MOB2: variants seen among roughly 807,000 people sequenced by gnomAD.
MOB2 encodes the protein MOB2 Mps One Binder homolog.
A neutral mutation model predicts 27.4 loss-of-function variants in MOB2; 14 were observed. The ratio of observed to expected loss-of-function variants is 0.51; its 90% CI spans 0.34 to 0.80. MOB2 has a LOEUF of 0.80. MOB2 is among the 30% of genes least tolerant of loss of function. The probability of loss-of-function intolerance (pLI) is 0.01; values close to 1 mark genes in which losing one functional copy is unlikely to be tolerated. For missense variants in MOB2, 304 were observed against 354.6 expected, an observed-to-expected ratio of 0.86 and a Z score of 1.15; for synonymous variants, 167 against 151.8, an observed-to-expected ratio of 1.10 and a Z score of -0.74.
intron 3 of MOB2, among the ~76,000 whole-genome samples, chr11:1,474,226 C>T (rs1450435841): frequency 1.3e-5 from 2 of 152,238 alleles, no homozygotes; most frequent in East Asian, 3.8e-4. Flanking sequence ...GGCAAACTGT[C>T]TGCTCATTTC....
At chr11:1,485,587 A>T (rs1445941468) in intron 1 of MOB2, among the ~76,000 whole-genome samples, 1 of 152,040 alleles carries the variant, frequency 6.6e-6, no homozygotes, top group African/African-American at 2.4e-5. Context: ...CGGGTGCCGC[A>T]GCCCCCGGCC....
At chr11:1,474,724 G>A (rs972438654) in intron 3 of MOB2, among the ~76,000 whole-genome samples, 2 of 152,014 alleles carry the variant, frequency 1.3e-5, no homozygotes, top group African/African-American at 2.4e-5. Context: ...CCATCCACAC[G>A]TTTGTGTGGG....
At position 1,470,463 on chromosome 11, in the gene MOB2, C is replaced by T. The variant is rs769850529; in HGVS notation, c.516G>A (p.Glu172=). ...KYGREFPSSF[E]SLVRKICRHL... is the part of the protein sequence containing the mutation. ...GTCTGCAGATCTTCCTCACCAGGGA[C>T]TCAAAGGAGCTGGGGAATTCTCTGC... is the stretch of plus-strand genomic sequence containing the variant. The change falls in exon 5 of 5, where the codon GAG becomes GAA. Residue 172 remains glutamate (E), a synonymous_variant. Coordinates refer to ENST00000329957, the MANE Select transcript of MOB2 (RefSeq NM_001172223.3). 20 of 1,612,942 alleles carry T rather than the reference C, an allele frequency of 1.2e-5. No homozygotes were observed. Among genetic ancestry groups the T allele is most frequent in the Non-Finnish European group, 1.7e-5 (20 of 1,179,378 alleles).
intron 4 of MOB2, 43 bp from the exon 5 acceptor site, chr11:1,470,531 C>A: frequency 1.3e-6 from 2 of 1,579,950 alleles, no homozygotes; most frequent in South Asian, 1.2e-5. Context: ...CATCCCTTGG[C>A]CCCAACAGAG....
chr11:1,480,686 G>A (rs1016714664), intron 2 of MOB2, 39 bp downstream of exon 2: 1 of 1,590,028 alleles, frequency 6.3e-7, no homozygotes, highest in African/African-American at 1.3e-5. Context: ...AGGAGGAGCA[G>A]GGAGGAGGGA....
rs1198706439 is a variant in MOB2 at position 1,470,025 on chromosome 11, T to C, written c.*147A>G. Reference sequence around the variant, plus strand: ...ACACGGCCGGGGCCGTCTGCGTCTGTGCCTGTGCAGCCCACACCAGTGCAG... The same window carrying C: ...ACACGGCCGGGGCCGTCTGCGTCTGCGCCTGTGCAGCCCACACCAGTGCAG... On this transcript the variant is annotated 3_prime_UTR_variant, in exon 5 of 5. Transcript: ENST00000329957. The C allele has an allele frequency of 6.5e-7, 1 of 1,532,616 alleles. No individual in the cohort carries two copies. 94.9% of individuals were successfully genotyped at this position (1,532,616 alleles called of 1,614,324 possible). A position where few individuals can be genotyped will look rare whatever the true frequency, so the allele number is the denominator to read the frequency against.
intron 3 of MOB2, among the ~76,000 whole-genome samples, chr11:1,474,590 T>A (rs1564909220): frequency 6.6e-6 from 1 of 152,280 alleles, no homozygotes; most frequent in Non-Finnish European, 1.5e-5. Context: ...TATTTTGCTC[T>A]TTGTCAAAAC....
chr11:1,482,670 G>A (rs1847927635), intron 1 of MOB2, among the ~76,000 whole-genome samples: 3 of 152,208 alleles, frequency 2.0e-5, no homozygotes, highest in Non-Finnish European at 2.9e-5. Context: ...GCCGGGCCCC[G>A]GAGCTTAGTG....
In MOB2 at chr11:1,470,230, C is replaced by G; in HGVS notation, c.749G>C (p.Ser250Thr). 1 of 1,612,498 alleles carries G rather than the reference C, an allele frequency of 6.2e-7. No individual in the cohort carries two copies. The highest frequency in any genetic ancestry group is 2.2e-5 in the East Asian group (1 of 44,886). The change falls in exon 5 of 5, where the codon AGT (serine) becomes ACT (threonine). Residue 250 changes from serine to threonine, a missense_variant. Transcript: ENST00000329957. ...SGAGGVHSGG[S>T]GDGAGSGGPG... Reference sequence around the variant, plus strand: ...GCCCCCGCTGCCGGCCCCATCCCCACTGCCCCCACTGTGGACCCCGCCGGC... The same window carrying G: ...GCCCCCGCTGCCGGCCCCATCCCCAGTGCCCCCACTGTGGACCCCGCCGGC...
rs576810420 is a variant in MOB2 at position 1,486,564 on chromosome 11, C to A, written c.-8G>T. The A allele has an allele frequency of 1.2e-5, 18 of 1,530,268 alleles. No individual in the cohort carries two copies. Among genetic ancestry groups the A allele is most frequent in the Admixed American group, 2.0e-5 (1 of 50,956 alleles). The allele number at this position is 1,530,268 out of a possible 1,614,324, so 94.8% of individuals were successfully genotyped here. A position where few individuals can be genotyped will look rare whatever the true frequency, so the allele number is the denominator to read the frequency against. ...GCAGTGGTCTCCCAGCATGAGTGGG[C>A]GACGGGAAGGTGGGGAGGAGAAGCG... On this transcript the variant is annotated 5_prime_UTR_variant, in exon 1 of 5. Transcript: ENST00000329957.
At chr11:1,475,367 C>T (rs1410516391) in intron 3 of MOB2, among the ~76,000 whole-genome samples, 1 of 152,190 alleles carries the variant, frequency 6.6e-6, no homozygotes, top group Non-Finnish European at 1.5e-5. Context: ...ACAGGGGATG[C>T]ACTGCAAGAC....
At position 1,480,403 on chromosome 11, in the gene MOB2, C is replaced by G; in HGVS notation, c.355G>C (p.Val119Leu). The G allele has an allele frequency of 6.2e-7, 1 of 1,613,474 alleles. No homozygotes were observed. Among genetic ancestry groups the G allele is most frequent in the Non-Finnish European group, 8.5e-7 (1 of 1,179,754 alleles). Reference protein sequence around the residue: ...CTGETCQTMAVCNTQYYWYDE... With the variant: ...CTGETCQTMALCNTQYYWYDE... ...CCAGGCAGCACTCACGTGTTGCACACGGCCATCGTCTGACACGTCTCTCCT... is the reference window on the plus strand; with the variant it reads ...CCAGGCAGCACTCACGTGTTGCACAGGGCCATCGTCTGACACGTCTCTCCT... Residue 119 changes from valine (V) to leucine (L), a missense_variant, in exon 3 of 5, where the codon GTG becomes CTG. Transcript: ENST00000329957.
chr11:1,480,245 G>A (rs939285918), intron 3 of MOB2, 148 bp downstream of exon 3: 2 of 704,318 alleles, frequency 2.8e-6, no homozygotes, highest in Admixed American at 2.9e-5. Context: ...TCCACAGGAA[G>A]GTGGATGTTG....
intron 1 of MOB2, chr11:1,481,206 C>G (rs1409770499): frequency 4.5e-6 from 2 of 441,134 alleles, no homozygotes; most frequent in Non-Finnish European, 8.6e-6. Flanking sequence ...GGGTTTAGGG[C>G]CCCCAGCGCC....
chr11:1,470,597 C>G (rs1847775538), intron 4 of MOB2, 109 bp from the exon 5 acceptor site: 2 of 1,274,934 alleles, frequency 1.6e-6, no homozygotes, highest in Non-Finnish European at 2.1e-6. Context: ...CACACCTTGA[C>G]CCTGCCACCC....
chr11:1,471,333 T>C lies in MOB2; in HGVS notation c.452A>G (p.Lys151Arg), dbSNP rs758933844. ...GAACACGTCCTCATCCGTCACCAGC[T>C]TCTGCACGGAGCTCATGACGAAGTC... ...YVDFVMSSVQKLVTDEDVFPT... is the reference protein window; with the variant it reads ...YVDFVMSSVQRLVTDEDVFPT... The change falls in exon 4 of 5, where the codon AAG (lysine) becomes AGG (arginine). Residue 151 changes from lysine (K) to arginine (R), a missense_variant. By Grantham distance (26) the Lys-to-Arg change is conservative. Transcript: ENST00000329957. 21 of 1,613,560 alleles carry C rather than the reference T, an allele frequency of 1.3e-5. No homozygotes were observed. Among genetic ancestry groups the C allele is most frequent in the Non-Finnish European group, 1.8e-5 (21 of 1,179,824 alleles).
In MOB2 at chr11:1,480,795, G is replaced by C. The variant is rs531901364; in HGVS notation, c.201C>G (p.Thr67=). The part of the protein sequence containing the change: ...LEPEHTKARI[T]DFQFKELVVL... ...CCACCAGCTCCTTGAACTGGAAGTC[G>C]GTGATCCTGGCCTTGGTGTGCTCAG... The change falls in exon 2 of 5, where the codon ACC becomes ACG. Residue 67 remains threonine (T), a synonymous_variant. Transcript: ENST00000329957. 6.3e-7 allele frequency: 1 copy of C among 1,598,026 alleles called. No homozygotes were observed. The highest frequency in any genetic ancestry group is 8.5e-7 in the Non-Finnish European group (1 of 1,172,810).
At chr11:1,485,184 A>G (rs1490426725) in intron 1 of MOB2, among the ~76,000 whole-genome samples, 1 of 152,148 alleles carries the variant, frequency 6.6e-6, no homozygotes, top group Non-Finnish European at 1.5e-5. Context: ...GCCCCAGGGA[A>G]GGGACTCCGC....
intron 3 of MOB2, chr11:1,471,627 G>A (rs1476512153): frequency 1.1e-5 from 6 of 551,420 alleles, no homozygotes; most frequent in Non-Finnish European, 1.9e-5. Flanking sequence ...GTCTGCCTGC[G>A]CTGACTTAGA....
Sources: allele counts gnomAD v4.1 joint callset (sites outside exome capture counted in the v4.1 genomes callset), GRCh38; gene constraint gnomAD v4.1.1; transcripts MANE v1.5; gene names NCBI Gene and HGNC (gene_info 2026-07-23, HGNC 2026-07-21).